The following ADAMTSL1 variants were observed in gnomAD, a reference collection of about 807,000 sequenced individuals.
ADAMTSL1 encodes ADAMTS-like protein 1.
A neutral mutation model predicts 201.8 loss-of-function variants in ADAMTSL1; 126 were observed. The ratio of observed to expected loss-of-function variants is 0.62; its 90% CI spans 0.54 to 0.72. ADAMTSL1 has a LOEUF of 0.72. Among genes scored for constraint, ADAMTSL1 ranks in the 30% least tolerant of loss-of-function variants. The pLI is 0.00. For missense variants in ADAMTSL1, 2,679 were observed against 2,277.8 expected, an observed-to-expected ratio of 1.18 and a Z score of -3.59; for synonymous variants, 1,121 against 903.4, an observed-to-expected ratio of 1.24 and a Z score of -4.32.
At position 18,482,155 on chromosome 9, in the gene ADAMTSL1, T is replaced by C. The variant is rs114428254; in HGVS notation, c.63+7860T>C. On this transcript the variant is annotated intron_variant, in intron 1 of 28. Transcript: ENST00000380548. ...ATGACCTTGTGCATCAAAAGTAGGATAGTTGAAAGAAAGGGAATAGCAGAA... is the reference window on the plus strand; with the variant it reads ...ATGACCTTGTGCATCAAAAGTAGGACAGTTGAAAGAAAGGGAATAGCAGAA... Among the ~76,000 whole-genome samples the C allele has an allele frequency of 6.2e-3, 946 of 152,320 alleles. 10 individuals carry two copies. The highest frequency in any genetic ancestry group is 0.022 in the African/African-American group (902 of 41,576).
intron 2 of ADAMTSL1, among the ~76,000 whole-genome samples, chr9:18,379,449 G>A (rs1412710448): frequency 3.3e-5 from 5 of 152,114 alleles, no homozygotes; most frequent in Non-Finnish European, 7.4e-5. Context: ...AAAATCCACT[G>A]TTTTTGCTAT....
In ADAMTSL1 at chr9:18,847,702, G is replaced by C. The variant is rs76263935; in HGVS notation, c.4249+17725G>C. ...TCCCAGGCACAGGAAGAATGAGTGCGGAGTTCCGCCTGCATGAAACGTGCA... is the reference window on the plus strand; with the variant it reads ...TCCCAGGCACAGGAAGAATGAGTGCCGAGTTCCGCCTGCATGAAACGTGCA... On this transcript the variant is annotated intron_variant, in intron 23 of 28. Transcript: ENST00000380548. Among the ~76,000 whole-genome samples the C allele has an allele frequency of 6.7e-3, 1,022 of 152,274 alleles. 9 individuals carry two copies. The highest frequency in any genetic ancestry group is 0.011 in the Non-Finnish European group (751 of 68,024).
At chr9:18,260,885 C>G (rs1831892848) in intron 2 of ADAMTSL1, among the ~76,000 whole-genome samples, 1 of 152,140 alleles carries the variant, frequency 6.6e-6, no homozygotes. Context: ...TTTTACTTTA[C>G]TGTTAAAACA....
chr9:18,339,638 T>A (rs1459132454), intron 2 of ADAMTSL1, among the ~76,000 whole-genome samples: 1 of 152,132 alleles, frequency 6.6e-6, no homozygotes, highest in East Asian at 1.9e-4. Flanking sequence ...TAACTTTTTT[T>A]ACAGATGGGA....
chr9:18,215,671 A>C (rs1176008013), intron 2 of ADAMTSL1, among the ~76,000 whole-genome samples: 2 of 152,170 alleles, frequency 1.3e-5, no homozygotes, highest in Non-Finnish European at 2.9e-5. Flanking sequence ...TTGGCTTATA[A>C]CTTTTAGACT....
intron 2 of ADAMTSL1, among the ~76,000 whole-genome samples, chr9:18,247,607 G>T (rs995095331): frequency 1.3e-5 from 2 of 152,134 alleles, no homozygotes; most frequent in South Asian, 2.1e-4. Flanking sequence ...TTATTTTATT[G>T]ATTGATTGAA....
intron 1 of ADAMTSL1, among the ~76,000 whole-genome samples, chr9:17,987,107 C>T (rs772338834): frequency 6.6e-6 from 1 of 152,062 alleles, no homozygotes; most frequent in African/African-American, 2.4e-5. Flanking sequence ...TATATCATGT[C>T]TCTCTGAGTT....
rs1007320444 is a variant in ADAMTSL1, at chr9:18,821,791, G to T, written c.3935-4493G>T. Among the ~76,000 whole-genome samples the T allele has an allele frequency of 3.3e-5, 5 of 152,256 alleles. No individual in the cohort carries two copies. The South Asian group carries it at 1.0e-3, about 32-fold the overall frequency. On this transcript the variant is annotated intron_variant, in intron 21 of 28. Coordinates refer to ENST00000380548, the MANE Select transcript of ADAMTSL1 (RefSeq NM_001040272.6). The stretch of plus-strand genomic sequence containing the variant: ...ATTTCCCATGTAAAGGTGCACCTTT[G>T]AGTGGAAACCCCACCTTGAGATGTT...
chr9:18,744,833 G>A (rs1190689324), intron 15 of ADAMTSL1, among the ~76,000 whole-genome samples: 1 of 152,182 alleles, frequency 6.6e-6, no homozygotes, highest in Admixed American at 6.5e-5. Context: ...CTTTCATATA[G>A]TTGACATTTT....
chr9:18,048,368 G>A (rs1337054936), intron 1 of ADAMTSL1, among the ~76,000 whole-genome samples: 3 of 152,228 alleles, frequency 2.0e-5, no homozygotes, highest in South Asian at 2.1e-4. Context: ...TTGGTTTTAT[G>A]CACATTGTCA....
intron 23 of ADAMTSL1, among the ~76,000 whole-genome samples, chr9:18,837,220 C>A (rs1372525688): frequency 1.3e-5 from 2 of 152,102 alleles, no homozygotes; most frequent in East Asian, 1.9e-4. Context: ...ATATTTTCTT[C>A]TAGAAGTTTC....
chr9:18,193,954 TA>T (rs1829073557), intron 2 of ADAMTSL1, among the ~76,000 whole-genome samples: 1 of 152,192 alleles, frequency 6.6e-6, no homozygotes. Flanking sequence ...TATACTAATT[TA>T]GTGCTATTTA....
intron 1 of ADAMTSL1, among the ~76,000 whole-genome samples, chr9:18,026,165 T>A (rs1181210635): frequency 1.3e-5 from 2 of 152,004 alleles, no homozygotes; most frequent in Non-Finnish European, 2.9e-5. Context: ...AGAGATTATT[T>A]ACTTCTTCTT....
chr9:17,973,173 A>G (rs1211737368), intron 1 of ADAMTSL1, among the ~76,000 whole-genome samples: 1 of 151,148 alleles, frequency 6.6e-6, no homozygotes, highest in Non-Finnish European at 1.5e-5. Flanking sequence ...GTTTAATTAG[A>G]TCCCATTTGT....
rs1167619606 is a variant in ADAMTSL1 at position 18,514,863 on chromosome 9, C to G, written c.191+9907C>G. ...CAAGAGTGAGCAACTTTGCCTTGTT[C>G]CTGATATTAGAGGAAAAGCCATTGA... On this transcript the variant is annotated intron_variant, in intron 2 of 28. Transcript: ENST00000380548. Among the ~76,000 whole-genome samples, 4 of 152,180 alleles carry G rather than the reference C, an allele frequency of 2.6e-5. No homozygotes were observed. In the East Asian group the frequency reaches 7.7e-4, roughly 29 times the overall value.
intron 2 of ADAMTSL1, among the ~76,000 whole-genome samples, chr9:18,307,159 C>A (rs1449783465): frequency 6.6e-6 from 1 of 152,058 alleles, no homozygotes; most frequent in African/African-American, 2.4e-5. Flanking sequence ...GATTTTTTCA[C>A]CACCAGGCCT....
intron 1 of ADAMTSL1, among the ~76,000 whole-genome samples, chr9:18,101,310 A>T (rs1824508439): frequency 6.6e-6 from 1 of 152,132 alleles, no homozygotes; most frequent in Admixed American, 6.6e-5. Context: ...AGCCTGACCA[A>T]CAGGGTGAAA....
chr9:18,579,698 G>A (rs1295746679), intron 4 of ADAMTSL1, among the ~76,000 whole-genome samples: 1 of 152,028 alleles, frequency 6.6e-6, no homozygotes. Context: ...ATTTCCTATT[G>A]CAGTCATCTT....
At chr9:18,456,300 G>C (rs1482108289) in intron 2 of ADAMTSL1, among the ~76,000 whole-genome samples, 1 of 152,178 alleles carries the variant, frequency 6.6e-6, no homozygotes, top group Non-Finnish European at 1.5e-5. Context: ...AACAAGCCTT[G>C]AATAACCAAT....
Sources: allele counts gnomAD v4.1 joint callset (sites outside exome capture counted in the v4.1 genomes callset), GRCh38; gene constraint gnomAD v4.1.1; transcripts MANE v1.5; gene names NCBI Gene and HGNC (gene_info 2026-07-23, HGNC 2026-07-21).